The following SLU7 variants were observed in gnomAD, a reference collection of about 807,000 sequenced individuals.
SLU7 encodes pre-mRNA-splicing factor SLU7.
Under a neutral mutation model 87.0 loss-of-function variants are expected in SLU7, and 60 were observed. The ratio of observed to expected loss-of-function variants is 0.69; its 90% confidence interval spans 0.56 to 0.86. The LOEUF is 0.86. Among genes scored for constraint, SLU7 ranks in the 40% least tolerant of loss-of-function variants. The probability of loss-of-function intolerance (pLI) is 0.00; values close to 1 mark genes in which losing one functional copy is unlikely to be tolerated. For synonymous variants in SLU7, 197 were observed against 222.0 expected (o/e 0.89, Z 1.00); for missense variants, 507 against 686.6 (o/e 0.74, Z 2.92).
At chr5:160,412,365 G>T in intron 6 of SLU7, 86 bp downstream of exon 6, 2 of 811,662 alleles carry the variant, frequency 2.5e-6, no homozygotes, top group South Asian at 1.5e-5. Flanking sequence ...CCTAACTGAA[G>T]AGCTATAAAA....
At chr5:160,410,663 T>C (rs1765193926) in intron 6 of SLU7, among the ~76,000 whole-genome samples, 1 of 152,226 alleles carries the variant, frequency 6.6e-6, no homozygotes, top group African/African-American at 2.4e-5. Context: ...ACATTACGTT[T>C]ACAACAAACA....
At chr5:160,405,907 A>G (rs773882396) in intron 12 of SLU7, among the ~76,000 whole-genome samples, 10 of 152,222 alleles carry the variant, frequency 6.6e-5, no homozygotes, top group Non-Finnish European at 1.2e-4. Flanking sequence ...ATAACGATCA[A>G]AAGAAATTTG....
At position 160,402,659 on chromosome 5, in the gene SLU7, TAA is replaced by T. The variant is rs1764828442; in HGVS notation, c.*624_*625del. ...CGAAGCAATAAAGTTTGAAGCTTAA[TAA>T]ATACAGAGAAAGAGACATTCTTAAT... On this transcript the variant is annotated 3_prime_UTR_variant, in exon 16 of 16. Transcript: ENST00000297151. 7.2e-5 allele frequency: 11 copies of T among 152,236 alleles called. No individual in the cohort carries two copies. Among genetic ancestry groups the T allele is most frequent in the Admixed American group, 5.9e-4 (9 of 15,284 alleles). The allele number at this position is 152,236 out of a possible 1,614,324, so 9.4% of individuals were successfully genotyped here.
chr5:160,410,870 C>T (rs932409921), intron 6 of SLU7, among the ~76,000 whole-genome samples: 2 of 145,720 alleles, frequency 1.4e-5, no homozygotes, highest in Non-Finnish European at 3.0e-5. Context: ...GGCAAATTCA[C>T]TTTTTTTTTT....
In SLU7 at chr5:160,415,207, TG is replaced by T. The variant is rs781452597; in HGVS notation, c.87del (p.Arg30GlufsTer10). 6.2e-7 allele frequency: 1 copy of T among 1,612,548 alleles called. No homozygotes were observed. Among genetic ancestry groups the T allele is most frequent in the African/African-American group, 1.3e-5 (1 of 75,000 alleles). On this transcript the variant is annotated frameshift_variant, in exon 2 of 16. Coordinates refer to ENST00000297151, the MANE Select transcript of SLU7 (RefSeq NM_006425.5). LOFTEE classifies it high-confidence loss of function. Reference protein sequence around the residue: ...EMSLEEPKKMTREDWRKKKEL... With the variant: ...EMSLEEPKKMXREDWRKKKEL... ...TCCTTCTTCTTTCTCCAGTCCTCTCTGGTCATCTTCTTTGGTTCTTCCAAAC... is the reference window on the plus strand; with the variant it reads ...TCCTTCTTCTTTCTCCAGTCCTCTCTGTCATCTTCTTTGGTTCTTCCAAAC...
At chr5:160,411,645 T>C (rs530211860) in intron 6 of SLU7, among the ~76,000 whole-genome samples, 4 of 152,352 alleles carry the variant, frequency 2.6e-5, no homozygotes, top group South Asian at 4.1e-4. Context: ...TACTTATACA[T>C]GGTTTAGAGT....
In SLU7 at chr5:160,415,065, C is replaced by A; in HGVS notation, c.170+60G>T. 3.6e-6 allele frequency: 5 copies of A among 1,383,478 alleles called. No homozygotes were observed. In the South Asian group the frequency reaches 4.4e-5, roughly 12 times the overall value. The allele number at this position is 1,383,478 out of a possible 1,614,324, so 85.7% of individuals were successfully genotyped here. ...TCTCAAAGGATGAAAAATTAATAAA[C>A]TAAGTAGACATGAATTTGAATTCTG... is the stretch of plus-strand genomic sequence containing the variant. On this transcript the variant is annotated intron_variant, in intron 2 of 15. Coordinates refer to ENST00000297151, the MANE Select transcript of SLU7 (RefSeq NM_006425.5).
chr5:160,414,036 CTT>C, intron 3 of SLU7, 57 bp from the exon 4 acceptor site: 1 of 1,076,012 alleles, frequency 9.3e-7, no homozygotes, highest in Non-Finnish European at 1.3e-6. Context: ...TTAGAAATAA[CTT>C]TGACTCTCAT....
In SLU7 at chr5:160,404,900, TTTGAG is replaced by T. The variant is rs1764943657; in HGVS notation, c.1393-25_1393-21del. On this transcript the variant is annotated intron_variant, in intron 13 of 15. Transcript: ENST00000297151. ...AGAGTTCTGTGGGAAATACATGTAA[TTTGAG>T]TTGAGTGTCATAGTTACTAATCATC... 2 of 1,573,002 alleles carry T rather than the reference TTTGAG, an allele frequency of 1.3e-6. No individual in the cohort carries two copies. The highest frequency in any genetic ancestry group is 1.7e-6 in the Non-Finnish European group (2 of 1,142,902).
chr5:160,407,906 G>A lies in SLU7; in HGVS notation c.917+65C>T, dbSNP rs1581064357. ...CTGAATTAAAATGAACACCATCTAT[G>A]GTCAGGTCAGAAAACAATTAACTTT... is the stretch of plus-strand genomic sequence containing the variant. On this transcript the variant is annotated intron_variant, in intron 9 of 15. Transcript: ENST00000297151. The surrounding 1 kb of genome is among the most constrained non-coding windows in gnomAD (Gnocchi z 4.2). 8.2e-6 allele frequency: 12 copies of A among 1,456,022 alleles called. No homozygotes were observed. In the East Asian group the frequency reaches 2.5e-4, roughly 30 times the overall value. 90.2% of individuals were successfully genotyped at this position (1,456,022 alleles called of 1,614,324 possible).
intron 6 of SLU7, among the ~76,000 whole-genome samples, chr5:160,410,533 C>A (rs145484126): frequency 2.0e-5 from 3 of 151,810 alleles, no homozygotes; most frequent in Non-Finnish European, 4.4e-5. Flanking sequence ...CAAACCTGCA[C>A]GTTGTGCACA....
chr5:160,409,738 A>G (rs1259980988), intron 6 of SLU7, among the ~76,000 whole-genome samples: 1 of 152,232 alleles, frequency 6.6e-6, no homozygotes, highest in Non-Finnish European at 1.5e-5. Context: ...CTGAACGGCC[A>G]TTAAAAGTGA....
Position 160,408,114 on chromosome 5 carries a change from A to G in SLU7, c.820-46T>C, listed in dbSNP as rs1436566080. On this transcript the variant is annotated intron_variant, in intron 8 of 15. Transcript: ENST00000297151. ...AAGAATTAATGTTTACTCACAGCAA[A>G]AAGATTTCAGCAGACTAGTTGGAGG... is the stretch of plus-strand genomic sequence containing the variant. 7 of 1,405,716 alleles carry G rather than the reference A, an allele frequency of 5.0e-6. No homozygotes were observed. The South Asian group carries it at 8.2e-5, about 16-fold the overall frequency. The allele number at this position is 1,405,716 out of a possible 1,614,324, so 87.1% of individuals were successfully genotyped here.
chr5:160,415,367 C>G (rs1315367062), intron 1 of SLU7, 57 bp from the exon 2 acceptor site: 1 of 1,298,766 alleles, frequency 7.7e-7, no homozygotes, highest in Non-Finnish European at 1.0e-6. Context: ...TTCACTCAAA[C>G]TACCAAAAAT....
In SLU7 at chr5:160,407,147, G is replaced by A. The variant is rs1343952239; in HGVS notation, c.1125+329C>T. On this transcript the variant is annotated intron_variant, in intron 11 of 15. Coordinates refer to ENST00000297151, the MANE Select transcript of SLU7 (RefSeq NM_006425.5). The surrounding 1 kb of genome is among the most constrained non-coding windows in gnomAD (Gnocchi z 4.2). ...AGCTGTCCCAGAAGAGGTCCCCTTA[G>A]GACAATTAGCCTGTTAACTGCTAAA... Among the ~76,000 whole-genome samples the A allele has an allele frequency of 6.6e-6, 1 of 152,208 alleles. No individual in the cohort carries two copies. Among genetic ancestry groups the A allele is most frequent in the Non-Finnish European group, 1.5e-5 (1 of 68,050 alleles).
rs545106466 is a variant in SLU7 at position 160,402,624 on chromosome 5, C to T, written c.*661G>A. The T allele has an allele frequency of 6.6e-6, 1 of 152,008 alleles. No individual in the cohort carries two copies. The highest frequency in any genetic ancestry group is 1.5e-5 in the Non-Finnish European group (1 of 67,978). 9.4% of individuals were successfully genotyped at this position (152,008 alleles called of 1,614,324 possible). ...AGGTGTGCTAATACTAAATATAGGG[C>T]CACAAAAATCGAAGCAATAAAGTTT... On this transcript the variant is annotated 3_prime_UTR_variant, in exon 16 of 16. Transcript: ENST00000297151.
chr5:160,404,633 C>A (rs1329863561), intron 14 of SLU7, 77 bp from the exon 15 acceptor site: 7 of 1,055,726 alleles, frequency 6.6e-6, no homozygotes, highest in Non-Finnish European at 9.9e-6. Flanking sequence ...GGCTGAGGCA[C>A]AAGAATCACT....
At chr5:160,410,460 C>A (rs1765183316) in intron 6 of SLU7, among the ~76,000 whole-genome samples, 1 of 151,888 alleles carries the variant, frequency 6.6e-6, no homozygotes, top group Non-Finnish European at 1.5e-5. Context: ...GGAGATATAC[C>A]TAATGCTAAA....
At chr5:160,415,859 T>G (rs1393899246) in intron 1 of SLU7, among the ~76,000 whole-genome samples, 19 of 152,288 alleles carry the variant, frequency 1.2e-4, no homozygotes, top group Admixed American at 1.2e-3. Flanking sequence ...ATATTATGTC[T>G]TGACTTCCCT....
Sources: allele counts gnomAD v4.1 joint callset (sites outside exome capture counted in the v4.1 genomes callset), GRCh38; gene constraint gnomAD v4.1.1; non-coding constraint Gnocchi (gnomAD v3.1); transcripts MANE v1.5; gene names NCBI Gene and HGNC (gene_info 2026-07-23, HGNC 2026-07-21).